Variants in SNF8 observed in about 807,000 individuals in gnomAD.
SNF8 encodes the protein vacuolar-sorting protein SNF8.
A neutral mutation model predicts 36.8 loss-of-function variants in SNF8; 19 were observed. The ratio of observed to expected loss-of-function variants is 0.52; its 90% CI spans 0.36 to 0.76. The LOEUF (loss-of-function observed/expected upper bound fraction) is 0.76, where lower values mean the gene tolerates loss of function less well. SNF8 is among the 30% of genes least tolerant of loss of function. The probability of loss-of-function intolerance (pLI) is 0.00; values close to 1 mark genes in which losing one functional copy is unlikely to be tolerated. For missense variants in SNF8, 268 were observed against 322.9 expected (o/e 0.83, Z 1.30); for synonymous variants, 127 against 127.4 (o/e 1.00, Z 0.02).
At chr17:48,933,666 C>A (rs747802077) in intron 5 of SNF8, 1 of 282,314 alleles carries the variant, frequency 3.5e-6, no homozygotes, top group Admixed American at 4.5e-5. Context: ...CCCAGGAGTT[C>A]AAGGCTGCAG....
chr17:48,930,511 C>T lies in SNF8; in HGVS notation c.741G>A (p.Glu247=), dbSNP rs1364372962. ...CTTCTCTGGCCTCCTCAGCTGTAAT[C>T]TCCTGGGAGTAGAGGTCAGTGAAGA... ...PALFTDLYSQ[E]ITAEEAREAL... is the part of the protein sequence containing the mutation. The change falls in exon 8 of 8, where the codon GAG becomes GAA. Residue 247 remains glutamate, a synonymous_variant. Transcript: ENST00000502492. The T allele has an allele frequency of 6.2e-7, 1 of 1,611,882 alleles. No homozygotes were observed. The highest frequency in any genetic ancestry group is 1.1e-5 in the South Asian group (1 of 90,742).
chr17:48,930,273 T>C lies in SNF8; in HGVS notation c.*202A>G. On this transcript the variant is annotated 3_prime_UTR_variant, in exon 8 of 8. Coordinates refer to ENST00000502492, the MANE Select transcript of SNF8 (RefSeq NM_007241.4). ...TATATGTGCTTGCCGTTCTCTGTGT[T>C]AATCAGATTATGCTTACTGAACGAG... is the stretch of plus-strand genomic sequence containing the variant. 1 of 496,698 alleles carries C rather than the reference T, an allele frequency of 2.0e-6. No homozygotes were observed. Among genetic ancestry groups the C allele is most frequent in the Non-Finnish European group, 3.5e-6 (1 of 285,944 alleles). 30.8% of individuals were successfully genotyped at this position (496,698 alleles called of 1,614,324 possible).
At chr17:48,938,562 C>T (rs1281512302) in intron 3 of SNF8, among the ~76,000 whole-genome samples, 2 of 150,752 alleles carry the variant, frequency 1.3e-5, no homozygotes, top group African/African-American at 2.4e-5. Context: ...ATTATAATCC[C>T]ATATATGTTT....
intron 2 of SNF8, among the ~76,000 whole-genome samples, chr17:48,941,685 A>ATT (rs148914713): frequency 4.6e-4 from 69 of 150,758 alleles, no homozygotes; most frequent in Middle Eastern, 3.5e-3. Context: ...CAATCAATCA[A>ATT]TATTTTTTTT....
In SNF8 at chr17:48,931,629, C is replaced by G. The variant is rs1230358757; in HGVS notation, c.639+14G>C. On this transcript the variant is annotated intron_variant, in intron 7 of 7. Coordinates refer to ENST00000502492, the MANE Select transcript of SNF8 (RefSeq NM_007241.4). Reference sequence around the variant, plus strand: ...GCCTGCCTGTCTTTTCTGGACTGTTCCAAAGTTGCATACCAGCACTTGCCG... The same window carrying G: ...GCCTGCCTGTCTTTTCTGGACTGTTGCAAAGTTGCATACCAGCACTTGCCG... 1.2e-6 allele frequency: 2 copies of G among 1,611,128 alleles called. No individual in the cohort carries two copies. The highest frequency in any genetic ancestry group is 1.7e-6 in the Non-Finnish European group (2 of 1,178,316).
chr17:48,944,804 G>C lies in SNF8; in HGVS notation c.-70C>G. On this transcript the variant is annotated 5_prime_UTR_variant, in exon 1 of 8. Transcript: ENST00000502492. ...TCTCCACGTCCCGGACTCCGCCGCC[G>C]GCTCCCCAAGGCGGAAGCCCGAGCC... is the stretch of plus-strand genomic sequence containing the variant. 1 of 1,455,908 alleles carries C rather than the reference G, an allele frequency of 6.9e-7. No individual in the cohort carries two copies. 90.2% of individuals were successfully genotyped at this position (1,455,908 alleles called of 1,614,324 possible). A position where few individuals can be genotyped will look rare whatever the true frequency, so the allele number is the denominator to read the frequency against.
At position 48,937,006 on chromosome 17, in the gene SNF8, C is replaced by T; in HGVS notation, c.349+14G>A. 6.3e-7 allele frequency: 1 copy of T among 1,595,924 alleles called. No individual in the cohort carries two copies. The highest frequency in any genetic ancestry group is 8.6e-7 in the Non-Finnish European group (1 of 1,163,438). On this transcript the variant is annotated intron_variant, in intron 4 of 7. Transcript: ENST00000502492. ...AAGTCCAGAGTCCAGTTCACAGGAC[C>T]TAGCCACCCTCACCTCCATTCCGAT...
intron 5 of SNF8, chr17:48,934,509 C>T: frequency 5.2e-6 from 1 of 193,874 alleles, no homozygotes; most frequent in Non-Finnish European, 1.1e-5. Flanking sequence ...GAGGCTGAGG[C>T]AGAAGAATCA....
chr17:48,940,773 G>A, intron 3 of SNF8, 151 bp downstream of exon 3: 1 of 927,056 alleles, frequency 1.1e-6, no homozygotes, highest in Non-Finnish European at 1.6e-6. Context: ...CTGGGCGACA[G>A]AGCAAAACTC....
chr17:48,935,546 T>C lies in SNF8; in HGVS notation c.422+624A>G, dbSNP rs1348535163. ...AAAAAAAAAAATTAGCCGGGCATGG[T>C]GGTGCACACCTGTAATTCCAGTTAC... On this transcript the variant is annotated intron_variant, in intron 5 of 7. Transcript: ENST00000502492. Among the ~76,000 whole-genome samples, 3 of 147,890 alleles carry C rather than the reference T, an allele frequency of 2.0e-5. No homozygotes were observed. The East Asian group carries it at 5.9e-4, about 29-fold the overall frequency.
chr17:48,936,993 C>G, intron 4 of SNF8, 27 bp downstream of exon 4: 1 of 1,517,406 alleles, frequency 6.6e-7, no homozygotes, highest in East Asian at 2.3e-5. Context: ...GTCCAGAGTC[C>G]AGTTCACAGG....
rs2040862557 is a variant in SNF8, at chr17:48,931,729, A to G, written c.565-12T>C. On this transcript the variant is annotated splice_polypyrimidine_tract_variant and intron_variant, in intron 6 of 7. Coordinates refer to ENST00000502492, the MANE Select transcript of SNF8 (RefSeq NM_007241.4). ...ACGTAGCCATTCTTCTGAAGGAAGGAGGAATGGGGATTGAATCAGTTAAGA... is the reference window on the plus strand; with the variant it reads ...ACGTAGCCATTCTTCTGAAGGAAGGGGGAATGGGGATTGAATCAGTTAAGA... The G allele has an allele frequency of 6.2e-7, 1 of 1,610,144 alleles. No individual in the cohort carries two copies. Among genetic ancestry groups the G allele is most frequent in the Non-Finnish European group, 8.5e-7 (1 of 1,177,258 alleles).
intron 3 of SNF8, among the ~76,000 whole-genome samples, chr17:48,940,446 T>C (rs2041002638): frequency 6.6e-6 from 1 of 152,132 alleles, no homozygotes; most frequent in Non-Finnish European, 1.5e-5. Context: ...ATAGTCGGTC[T>C]ATCTTCCATA....
intron 1 of SNF8, among the ~76,000 whole-genome samples, chr17:48,944,438 T>C (rs1471859363): frequency 6.6e-6 from 1 of 152,200 alleles, no homozygotes; most frequent in Non-Finnish European, 1.5e-5. Flanking sequence ...AGGAGTAGAA[T>C]CGACGACTGT....
intron 3 of SNF8, among the ~76,000 whole-genome samples, chr17:48,939,859 G>C (rs987169614): frequency 6.6e-6 from 1 of 151,838 alleles, no homozygotes; most frequent in Non-Finnish European, 1.5e-5. Context: ...CCGATCACTT[G>C]ATCCCAAGAG....
intron 3 of SNF8, 69 bp from the exon 4 acceptor site, chr17:48,937,193 A>AT: frequency 8.5e-7 from 1 of 1,170,492 alleles, no homozygotes; most frequent in Admixed American, 1.7e-5. Flanking sequence ...TCAAACCTGC[A>AT]TTAAAACATC....
intron 3 of SNF8, among the ~76,000 whole-genome samples, chr17:48,938,342 C>T (rs2040966333): frequency 6.6e-6 from 1 of 151,328 alleles, no homozygotes; most frequent in African/African-American, 2.4e-5. Context: ...ACTAAAAATA[C>T]AAAATTGGCC....
rs752235458 is a variant in SNF8 at position 48,933,249 on chromosome 17, C to A, written c.520G>T (p.Ala174Ser). The change falls in exon 6 of 8, where the codon GCT becomes TCT. Residue 174 changes from alanine to serine, a missense_variant. Physicochemically the swap from Ala to Ser is moderately conservative, Grantham distance 99 (BLOSUM62 1). Transcript: ENST00000502492. ...ACGGTGTGATCCATATTGAGCTCAG[C>A]TGGAACAGACTGAATGAGGTAAGTG... ...GGTYLIQSVP[A>S]ELNMDHTVVL... is the part of the protein sequence containing the mutation. 11 of 1,614,092 alleles carry A rather than the reference C, an allele frequency of 6.8e-6. No homozygotes were observed. Among genetic ancestry groups the A allele is most frequent in the Non-Finnish European group, 8.5e-6 (10 of 1,180,042 alleles).
intron 6 of SNF8, 51 bp from the exon 7 acceptor site, chr17:48,931,768 T>G (rs759128163): frequency 1.4e-6 from 2 of 1,441,670 alleles, no homozygotes; most frequent in Non-Finnish European, 9.7e-7. Flanking sequence ...CACCTTCCCT[T>G]AGAACCCAGG....
Sources: gnomAD v4.1 joint callset for allele counts (sites outside exome capture counted in the v4.1 genomes callset) on GRCh38, gnomAD v4.1.1 for gene constraint, MANE v1.5 for transcripts, NCBI Gene and HGNC (gene_info 2026-07-23, HGNC 2026-07-21) for gene names.